SLC27A1: variants seen among roughly 807,000 people sequenced by gnomAD.
SLC27A1 encodes long-chain fatty acid transport protein 1.
SLC27A1 carries 61 observed loss-of-function variants against 62.2 expected under a neutral mutation model. The ratio of observed to expected loss-of-function variants is 0.98; its 90% confidence interval spans 0.80 to 1.21. The LOEUF is 1.21. SLC27A1 is among the 50% of genes most tolerant of loss of function. SLC27A1 has a pLI of 0.00. For synonymous variants in SLC27A1, 435 were observed against 408.6 expected (o/e 1.06, Z -0.78); for missense variants, 903 against 932.1 (o/e 0.97, Z 0.41).
chr19:17,497,869 ACG>A, intron 7 of SLC27A1: 1 of 234,962 alleles, frequency 4.3e-6, no homozygotes, highest in Non-Finnish European at 8.4e-6. Context: ...GAGTGCAGCC[ACG>A]TGATCATAGC....
At chr19:17,485,042 T>C (rs1188838095) in intron 1 of SLC27A1, among the ~76,000 whole-genome samples, 1 of 152,018 alleles carries the variant, frequency 6.6e-6, no homozygotes, top group Non-Finnish European at 1.5e-5. Flanking sequence ...AGGTTATTGG[T>C]TCCCAGAGCC....
At chr19:17,476,412 C>T (rs2075122653) in intron 1 of SLC27A1, among the ~76,000 whole-genome samples, 1 of 151,980 alleles carries the variant, frequency 6.6e-6, no homozygotes, top group Admixed American at 6.6e-5. Flanking sequence ...GTAGCGGGCA[C>T]CTGTAATCCC....
intron 1 of SLC27A1, among the ~76,000 whole-genome samples, chr19:17,470,980 TAGG>T (rs1380823170): frequency 1.5e-5 from 2 of 134,002 alleles, no homozygotes; most frequent in African/African-American, 5.8e-5. Flanking sequence ...GCAGGCTGCT[TAGG>T]AGATGATCTC....
At position 17,470,619 on chromosome 19, in the gene SLC27A1, A is replaced by G; in HGVS notation, c.79A>G (p.Ser27Gly). ...GCTGCTGGGGCTGCCGTGGACCTGG[A>G]GCGCGGCAGCGGCGCTCGGCGTGTA... ...LWLLGLPWTWSAAAALGVYVG... is the reference protein window; with the variant it reads ...LWLLGLPWTWGAAAALGVYVG... The change falls in exon 1 of 12, where the codon AGC becomes GGC. Residue 27 changes from serine (S) to glycine (G), a missense_variant. Transcript: ENST00000252595. The G allele has an allele frequency of 1.3e-6, 2 of 1,568,528 alleles. No homozygotes were observed. Among genetic ancestry groups the G allele is most frequent in the Non-Finnish European group, 1.7e-6 (2 of 1,165,434 alleles).
At chr19:17,482,773 C>CA (rs1311618207) in intron 1 of SLC27A1, among the ~76,000 whole-genome samples, 1 of 151,426 alleles carries the variant, frequency 6.6e-6, no homozygotes, top group African/African-American at 2.4e-5. Context: ...TTTCAAGAAT[C>CA]AGAGTTCATG....
At chr19:17,503,645 T>G (rs891350856) in intron 11 of SLC27A1, 3 of 148,120 alleles carry the variant, frequency 2.0e-5, no homozygotes, top group African/African-American at 7.5e-5. Context: ...AAAAAAAAAA[T>G]TGTTGGCCGG....
chr19:17,475,969 C>G (rs1424518621), intron 1 of SLC27A1, among the ~76,000 whole-genome samples: 1 of 152,130 alleles, frequency 6.6e-6, no homozygotes, highest in African/African-American at 2.4e-5. Flanking sequence ...CGAGTGAGAC[C>G]AAGAGACCGG....
At chr19:17,487,149 A>G (rs2075242486) in intron 2 of SLC27A1, 25 bp from the exon 3 acceptor site, 2 of 1,613,802 alleles carry the variant, frequency 1.2e-6, no homozygotes, top group Non-Finnish European at 1.7e-6. Context: ...GGCGGTGACC[A>G]TGACCCATGT....
intron 1 of SLC27A1, among the ~76,000 whole-genome samples, chr19:17,475,073 C>A (rs1240558186): frequency 2.6e-5 from 4 of 151,794 alleles, no homozygotes; most frequent in Admixed American, 6.6e-5. Flanking sequence ...TGCCACCACA[C>A]CCGGATAATT....
chr19:17,490,695 T>C (rs1326950078), intron 6 of SLC27A1, among the ~76,000 whole-genome samples: 4 of 152,076 alleles, frequency 2.6e-5, no homozygotes, highest in Non-Finnish European at 2.9e-5. Context: ...ACTTGTTTTT[T>C]CAAATTAAAG....
chr19:17,475,718 T>C (rs1278277183), intron 1 of SLC27A1, among the ~76,000 whole-genome samples: 1 of 151,990 alleles, frequency 6.6e-6, no homozygotes, highest in African/African-American at 2.4e-5. Flanking sequence ...CTTCAGAAAA[T>C]ATTTCAGCAC....
chr19:17,485,262 T>C (rs939782654), intron 1 of SLC27A1, among the ~76,000 whole-genome samples: 5 of 147,806 alleles, frequency 3.4e-5, no homozygotes, highest in African/African-American at 1.2e-4. Context: ...TGATCTCGGC[T>C]CACTGCAACC....
At chr19:17,479,991 A>G (rs1405610845) in intron 1 of SLC27A1, among the ~76,000 whole-genome samples, 1 of 151,950 alleles carries the variant, frequency 6.6e-6, no homozygotes, top group Non-Finnish European at 1.5e-5. Context: ...CATTTCCCCC[A>G]TTCGACTTTA....
chr19:17,505,176 G>A lies in SLC27A1; in HGVS notation c.*564G>A, dbSNP rs1272009353. ...CCCAGAGTGCTGGGATTATAGGCGT[G>A]AGCCTCTGGCCCGGCCTTTCCTTTT... is the stretch of plus-strand genomic sequence containing the variant. On this transcript the variant is annotated 3_prime_UTR_variant, in exon 12 of 12. Transcript: ENST00000252595. 2 of 319,370 alleles carry A rather than the reference G, an allele frequency of 6.3e-6. No homozygotes were observed. Among genetic ancestry groups the A allele is most frequent in the South Asian group, 2.6e-5 (1 of 38,204 alleles). The allele number at this position is 319,370 out of a possible 1,614,324, so 19.8% of individuals were successfully genotyped here. A position where few individuals can be genotyped will look rare whatever the true frequency, so the allele number is the denominator to read the frequency against.
intron 1 of SLC27A1, among the ~76,000 whole-genome samples, chr19:17,477,240 CTTTTTTTTTTTT>C (rs1221324202): frequency 2.3e-5 from 1 of 43,808 alleles, no homozygotes; most frequent in Non-Finnish European, 4.0e-5. Flanking sequence ...ATGAGCAGCG[CTTTTTTTTTTTT>C]TTTTTTTTTT....
intron 1 of SLC27A1, among the ~76,000 whole-genome samples, chr19:17,473,764 A>G (rs187782867): frequency 2.0e-5 from 3 of 152,238 alleles, no homozygotes; most frequent in East Asian, 3.9e-4. Flanking sequence ...TGGGAGTCTG[A>G]GGCAAGACAA....
chr19:17,478,312 C>T (rs1339433328), intron 1 of SLC27A1, among the ~76,000 whole-genome samples: 1 of 150,186 alleles, frequency 6.7e-6, no homozygotes, highest in African/African-American at 2.5e-5. Context: ...ACTAAAAATA[C>T]AAAAATTAGC....
At chr19:17,490,922 G>A (rs1367271698) in intron 6 of SLC27A1, among the ~76,000 whole-genome samples, 3 of 151,534 alleles carry the variant, frequency 2.0e-5, no homozygotes, top group Admixed American at 1.3e-4. Flanking sequence ...CCAGCTACTC[G>A]GGAGACTGAG....
chr19:17,491,361 C>T (rs1218676296), intron 6 of SLC27A1, among the ~76,000 whole-genome samples: 1 of 151,960 alleles, frequency 6.6e-6, no homozygotes, highest in East Asian at 1.9e-4. Context: ...CTGCTTCCTG[C>T]CTCTATGATT....
Sources: allele counts gnomAD v4.1 joint callset (sites outside exome capture counted in the v4.1 genomes callset), GRCh38; gene constraint gnomAD v4.1.1; transcripts MANE v1.5; gene names NCBI Gene and HGNC (gene_info 2026-07-23, HGNC 2026-07-21).